DAB1: variants seen among roughly 807,000 people sequenced by gnomAD.
DAB1 encodes disabled homolog 1.
In DAB1, 15 loss-of-function variants were observed where a neutral mutation model predicts 64.6. That is an observed-to-expected ratio of 0.23 (90% confidence interval 0.16 to 0.36). The LOEUF (loss-of-function observed/expected upper bound fraction) is 0.36, where lower values mean the gene tolerates loss of function less well. Among genes scored for constraint, DAB1 ranks in the 10% least tolerant of loss-of-function variants. The probability of loss-of-function intolerance (pLI) is 1.00; values close to 1 mark genes in which losing one functional copy is unlikely to be tolerated. For synonymous variants in DAB1, 235 were observed against 251.9 expected (o/e 0.93, Z 0.64); for missense variants, 596 against 706.7 (o/e 0.84, Z 1.78).
chr1:58,224,280 C>CA (rs1659342624), intron 4 of DAB1, among the ~76,000 whole-genome samples: 1 of 152,258 alleles, frequency 6.6e-6, no homozygotes, highest in East Asian at 1.9e-4. Context: ...GTGTCTAGCA[C>CA]AAGAGCTTAA....
At chr1:57,303,415 A>G (rs1028220524) in intron 1 of DAB1, among the ~76,000 whole-genome samples, 7 of 152,160 alleles carry the variant, frequency 4.6e-5, no homozygotes, top group Non-Finnish European at 8.8e-5. Flanking sequence ...CCCAAGGACA[A>G]TCTGCTGCCT....
At chr1:57,984,298 T>C (rs905971669) in intron 5 of DAB1, among the ~76,000 whole-genome samples, 1 of 151,630 alleles carries the variant, frequency 6.6e-6, no homozygotes, top group African/African-American at 2.4e-5. Flanking sequence ...GCTTCAAATA[T>C]CTGCTGGATC....
At chr1:58,288,465 T>C (rs1661742717) in intron 4 of DAB1, among the ~76,000 whole-genome samples, 1 of 152,166 alleles carries the variant, frequency 6.6e-6, no homozygotes, top group South Asian at 2.1e-4. Context: ...TATTAAAGTC[T>C]ACAATTTAAT....
intron 4 of DAB1, among the ~76,000 whole-genome samples, chr1:58,237,081 A>C (rs1341199833): frequency 6.6e-6 from 1 of 152,044 alleles, no homozygotes; most frequent in African/African-American, 2.4e-5. Flanking sequence ...GATGCCAGCT[A>C]CTCCCATGTT....
chr1:57,528,637 G>GACACACACACAC (rs372009576), intron 7 of DAB1, among the ~76,000 whole-genome samples: 2 of 22,132 alleles, frequency 9.0e-5, no homozygotes, highest in African/African-American at 1.1e-4. Flanking sequence ...AAAGCAGCAG[G>GACACACACACAC]ACACACACAC....
At chr1:57,377,646 G>T (rs978954217) in intron 1 of DAB1, among the ~76,000 whole-genome samples, 3 of 152,120 alleles carry the variant, frequency 2.0e-5, no homozygotes, top group South Asian at 2.1e-4. Flanking sequence ...TACCTGAAAG[G>T]CTCAAAATGT....
chr1:57,761,242 C>T (rs532359393), intron 6 of DAB1, among the ~76,000 whole-genome samples: 1 of 152,264 alleles, frequency 6.6e-6, no homozygotes, highest in South Asian at 2.1e-4. Context: ...TACTGATTTC[C>T]TATTTTAACA....
intron 1 of DAB1, among the ~76,000 whole-genome samples, chr1:57,307,521 C>A (rs964791354): frequency 3.5e-4 from 53 of 151,920 alleles, no homozygotes; most frequent in African/African-American, 1.2e-3. Flanking sequence ...TCCCAGACCA[C>A]ACCTCCTTCT....
In DAB1 at chr1:57,355,909, C is replaced by T. The variant is rs1558228210; in HGVS notation, c.-136-64743G>A. Among the ~76,000 whole-genome samples, 4 of 107,616 alleles carry T rather than the reference C, an allele frequency of 3.7e-5. No individual in the cohort carries two copies. The South Asian group carries it at 9.9e-4, about 27-fold the overall frequency. The allele number at this position is 107,616 out of a possible 152,430, so 70.6% of individuals were successfully genotyped here. A position where few individuals can be genotyped will look rare whatever the true frequency, so the allele number is the denominator to read the frequency against. Reference sequence around the variant, plus strand: ...ACACACACACACACACACACACACACACACACACACAAAATGTCCTCTAAG... The same window carrying T: ...ACACACACACACACACACACACACATACACACACACAAAATGTCCTCTAAG... On this transcript the variant is annotated intron_variant, in intron 1 of 14. Coordinates refer to ENST00000371236, the MANE Select transcript of DAB1 (RefSeq NM_001365792.1).
chr1:57,651,438 T>C (rs1175460418), intron 6 of DAB1, among the ~76,000 whole-genome samples: 1 of 152,202 alleles, frequency 6.6e-6, no homozygotes, highest in Non-Finnish European at 1.5e-5. Flanking sequence ...ATTATTGTAG[T>C]GCTTTTTAGA....
At chr1:57,482,477 TAAAAAAAAAA>T (rs918167439) in intron 7 of DAB1, among the ~76,000 whole-genome samples, 4 of 61,200 alleles carry the variant, frequency 6.5e-5, no homozygotes, top group African/African-American at 1.6e-4. Context: ...CTGAAAGTTG[TAAAAAAAAAA>T]AAAAAAAAAA....
chr1:57,432,434 A>G (rs1356002169), intron 7 of DAB1, among the ~76,000 whole-genome samples: 3 of 152,202 alleles, frequency 2.0e-5, no homozygotes, highest in Non-Finnish European at 4.4e-5. Flanking sequence ...AGAGATGGTT[A>G]GATGGGTAAA....
At chr1:57,900,444 C>T (rs896135091) in intron 5 of DAB1, among the ~76,000 whole-genome samples, 2 of 152,288 alleles carry the variant, frequency 1.3e-5, no homozygotes, top group Admixed American at 1.3e-4. Flanking sequence ...ATGAGGAATA[C>T]CCTGTTCTAG....
At position 58,183,090 on chromosome 1, in the gene DAB1, A is replaced by C. The variant is rs115637284; in HGVS notation, n.310-32502T>G. On this transcript the variant is annotated intron_variant and non_coding_transcript_variant, in intron 4 of 20. Transcript: ENST00000485760. ...TTTCTTTTACTCCTCTTTTCATTTT[A>C]AGCCTGGATTCTAGAGATTACCCCT... Among the ~76,000 whole-genome samples the C allele has an allele frequency of 3.3e-3, 500 of 151,930 alleles. 1 individual carries two copies. The highest frequency in any genetic ancestry group is 6.0e-3 in the Non-Finnish European group (405 of 67,948).
At chr1:57,292,813 A>C (rs1050453278) in intron 1 of DAB1, among the ~76,000 whole-genome samples, 2 of 152,240 alleles carry the variant, frequency 1.3e-5, no homozygotes, top group African/African-American at 2.4e-5. Flanking sequence ...GGTATCAGTC[A>C]TGTAAGGGAC....
chr1:57,381,976 A>G (rs896798180), intron 1 of DAB1, among the ~76,000 whole-genome samples: 5 of 152,168 alleles, frequency 3.3e-5, no homozygotes, highest in African/African-American at 7.2e-5. Context: ...CTTCCTGCTG[A>G]TCACAACAAA....
chr1:58,170,086 AC>A (rs1656079083), intron 4 of DAB1, among the ~76,000 whole-genome samples: 2 of 152,312 alleles, frequency 1.3e-5, no homozygotes, highest in Admixed American at 1.3e-4. Context: ...GTTTGGAGAT[AC>A]CTGGTATCTT....
At chr1:57,850,475 G>GA (rs1653471423) in intron 1 of DAB1, among the ~76,000 whole-genome samples, 1 of 149,060 alleles carries the variant, frequency 6.7e-6, no homozygotes, top group Non-Finnish European at 1.5e-5. Context: ...TTTTAACTGA[G>GA]AAAATGAAAC....
At chr1:57,402,300 T>C (rs887629736) in intron 1 of DAB1, among the ~76,000 whole-genome samples, 1 of 152,244 alleles carries the variant, frequency 6.6e-6, no homozygotes, top group African/African-American at 2.4e-5. Flanking sequence ...GAAACTGTTT[T>C]AGTCACCATA....
Sources: gnomAD v4.1 joint callset for allele counts (sites outside exome capture counted in the v4.1 genomes callset) on GRCh38, gnomAD v4.1.1 for gene constraint, MANE v1.5 for transcripts, NCBI Gene and HGNC (gene_info 2026-07-23, HGNC 2026-07-21) for gene names.